AMDHD1: variants seen among roughly 807,000 people sequenced by gnomAD.
The protein encoded by AMDHD1 is amidohydrolase domain containing 1.
Under a neutral mutation model 44.1 loss-of-function variants are expected in AMDHD1, and 45 were observed. The ratio of observed to expected loss-of-function variants is 1.02; its 90% confidence interval spans 0.80 to 1.31. The LOEUF is 1.31. Ranked by LOEUF, AMDHD1 falls within the 50% of genes most tolerant of loss-of-function variation. The pLI is 0.00. For missense variants in AMDHD1, 586 were observed against 552.1 expected (o/e 1.06, Z -0.61); for synonymous variants, 206 against 205.0 (o/e 1.00, Z -0.04).
intron 6 of AMDHD1, among the ~76,000 whole-genome samples, chr12:95,965,290 T>C (rs991837005): frequency 1.1e-4 from 13 of 114,062 alleles, no homozygotes; most frequent in African/African-American, 4.9e-4. Context: ...GAGACAGAGA[T>C]TCCATCTCAA....
chr12:95,956,972 G>C lies in AMDHD1; in HGVS notation c.587+10G>C. On this transcript the variant is annotated intron_variant, in intron 4 of 8. Coordinates refer to ENST00000266736, the MANE Select transcript of AMDHD1 (RefSeq NM_152435.3). ...CTCATTCAGTGCCTAAGTAATCTCA[G>C]CCAGTGGGGGCCCGGGTTTAACTCA... The C allele has an allele frequency of 6.2e-7, 1 of 1,611,500 alleles. No individual in the cohort carries two copies. The highest frequency in any genetic ancestry group is 8.5e-7 in the Non-Finnish European group (1 of 1,179,458).
intron 1 of AMDHD1, among the ~76,000 whole-genome samples, chr12:95,946,454 G>A (rs2080496048): frequency 6.6e-6 from 1 of 151,994 alleles, no homozygotes; most frequent in Non-Finnish European, 1.5e-5. Flanking sequence ...ACTAAGACTG[G>A]TTCAGACCTC....
chr12:95,952,670 C>A, intron 1 of AMDHD1, 47 bp from the exon 2 acceptor site: 3 of 1,259,066 alleles, frequency 2.4e-6, no homozygotes, highest in South Asian at 1.2e-5. Context: ...TCAGATTTCT[C>A]ACAAGATTTC....
At chr12:95,950,619 G>T (rs866214934) in intron 1 of AMDHD1, among the ~76,000 whole-genome samples, 8 of 152,308 alleles carry the variant, frequency 5.3e-5, no homozygotes, top group Middle Eastern at 3.4e-3. Context: ...ACTCCATGGG[G>T]TCCTTAGGAG....
chr12:95,953,766 C>T (rs1241061940), intron 2 of AMDHD1, among the ~76,000 whole-genome samples: 1 of 151,936 alleles, frequency 6.6e-6, no homozygotes, highest in Non-Finnish European at 1.5e-5. Flanking sequence ...TTTTTAGTAG[C>T]AACAGGGTTT....
chr12:95,954,189 G>C (rs1477280560), intron 2 of AMDHD1, among the ~76,000 whole-genome samples: 1 of 152,002 alleles, frequency 6.6e-6, no homozygotes, highest in Non-Finnish European at 1.5e-5. Flanking sequence ...CAGGGGGAGG[G>C]GATTGTAGTA....
chr12:95,947,997 A>G (rs1592820702), intron 1 of AMDHD1, among the ~76,000 whole-genome samples: 3 of 118,990 alleles, frequency 2.5e-5, no homozygotes, highest in African/African-American at 6.5e-5. Flanking sequence ...TGGGGGGGTC[A>G]GCCCCCCGCC....
Position 95,967,912 on chromosome 12 carries a change from C to A in AMDHD1, c.*69C>A. On this transcript the variant is annotated 3_prime_UTR_variant, in exon 9 of 9. Coordinates refer to ENST00000266736, the MANE Select transcript of AMDHD1 (RefSeq NM_152435.3). Reference sequence around the variant, plus strand: ...AATATAGTTATATTAAAAGTTAAAACACCTTAATATTTACAAGAATTATAT... The same window carrying A: ...AATATAGTTATATTAAAAGTTAAAAAACCTTAATATTTACAAGAATTATAT... 9.7e-7 allele frequency: 1 copy of A among 1,031,282 alleles called. No homozygotes were observed. Among genetic ancestry groups the A allele is most frequent in the Non-Finnish European group, 1.4e-6 (1 of 707,568 alleles). The allele number at this position is 1,031,282 out of a possible 1,614,324, so 63.9% of individuals were successfully genotyped here. A position where few individuals can be genotyped will look rare whatever the true frequency, so the allele number is the denominator to read the frequency against.
rs1296305817 is a variant in AMDHD1 at position 95,967,737 on chromosome 12, T to A, written c.1194-19T>A. ...GCACACATTGAAGTAATATTTGTTG[T>A]TTTTTTTTTTTTTTCTAGATGGGAG... On this transcript the variant is annotated intron_variant, in intron 8 of 8. Transcript: ENST00000266736. 3 of 611,376 alleles carry A rather than the reference T, an allele frequency of 4.9e-6. No homozygotes were observed. Among genetic ancestry groups the A allele is most frequent in the Non-Finnish European group, 2.2e-6 (1 of 445,380 alleles). 37.9% of individuals were successfully genotyped at this position (611,376 alleles called of 1,614,324 possible).
chr12:95,949,716 C>A (rs1054872187), intron 1 of AMDHD1, among the ~76,000 whole-genome samples: 1 of 152,100 alleles, frequency 6.6e-6, no homozygotes, highest in Non-Finnish European at 1.5e-5. Context: ...GTTTTGTATT[C>A]GGGTTTTTTC....
chr12:95,947,644 G>A (rs1329839049), intron 1 of AMDHD1, among the ~76,000 whole-genome samples: 2 of 59,898 alleles, frequency 3.3e-5, no homozygotes, highest in Non-Finnish European at 5.9e-5. Flanking sequence ...CCCCCCGCCC[G>A]GCCAGCCGCC....
Position 95,967,980 on chromosome 12 carries a change from A to C in AMDHD1, c.*137A>C, listed in dbSNP as rs1010731057. 3.3e-6 allele frequency: 2 copies of C among 608,592 alleles called. No individual in the cohort carries two copies. The highest frequency in any genetic ancestry group is 3.9e-5 in the African/African-American group (2 of 51,534). 37.7% of individuals were successfully genotyped at this position (608,592 alleles called of 1,614,324 possible). On this transcript the variant is annotated 3_prime_UTR_variant, in exon 9 of 9. Coordinates refer to ENST00000266736, the MANE Select transcript of AMDHD1 (RefSeq NM_152435.3). ...ACTTCAATGTCTTTTTAAGTCACTC[A>C]AAAAACCCAAGGGATAGATTTATTT...
intron 6 of AMDHD1, among the ~76,000 whole-genome samples, chr12:95,963,033 GT>G (rs1346999726): frequency 1.3e-5 from 2 of 152,148 alleles, no homozygotes; most frequent in Non-Finnish European, 2.9e-5. Context: ...TAGTTCGTCT[GT>G]TATTACTGTT....
chr12:95,954,674 C>A (rs2080541532), intron 2 of AMDHD1, among the ~76,000 whole-genome samples: 1 of 152,160 alleles, frequency 6.6e-6, no homozygotes. Flanking sequence ...GGGATATTTT[C>A]ATCATGTTGC....
At chr12:95,949,893 T>C (rs1250285488) in intron 1 of AMDHD1, among the ~76,000 whole-genome samples, 1 of 152,146 alleles carries the variant, frequency 6.6e-6, no homozygotes, top group African/African-American at 2.4e-5. Context: ...TGTTCAAACA[T>C]AGGTACATCC....
intron 2 of AMDHD1, among the ~76,000 whole-genome samples, 195 bp downstream of exon 2, chr12:95,953,018 G>T (rs1332568699): frequency 1.3e-5 from 2 of 152,124 alleles, no homozygotes; most frequent in Non-Finnish European, 2.9e-5. Context: ...CCTTATAACT[G>T]CCCTGTGTGG....
intron 1 of AMDHD1, among the ~76,000 whole-genome samples, chr12:95,952,200 T>C (rs969750329): frequency 6.6e-6 from 1 of 152,138 alleles, no homozygotes; most frequent in Admixed American, 6.6e-5. Flanking sequence ...CTTCTTTGAG[T>C]AGTTTCATAG....
chr12:95,964,763 CTTTG>C (rs760185007), intron 6 of AMDHD1, among the ~76,000 whole-genome samples: 3 of 151,788 alleles, frequency 2.0e-5, no homozygotes, highest in Non-Finnish European at 4.4e-5. Context: ...AGCTTTTAGG[CTTTG>C]TTTATTTTTG....
chr12:95,966,594 GTGTCAGACTC>G, intron 8 of AMDHD1, 86 bp downstream of exon 8: 1 of 1,504,344 alleles, frequency 6.6e-7, no homozygotes, highest in East Asian at 2.3e-5. Context: ...CTAATTATTA[GTGTCAGACTC>G]TGTCTGGACT....
Sources: gnomAD v4.1 joint callset for allele counts (sites outside exome capture counted in the v4.1 genomes callset) on GRCh38, gnomAD v4.1.1 for gene constraint, MANE v1.5 for transcripts, NCBI Gene and HGNC (gene_info 2026-07-23, HGNC 2026-07-21) for gene names.